ZFR2: variants seen among roughly 807,000 people sequenced by gnomAD.
The protein encoded by ZFR2 is zinc finger RNA-binding protein 2.
In ZFR2, 104 loss-of-function variants were observed where a neutral mutation model predicts 105.7. The observed-to-expected ratio is 0.98, with a 90% CI of 0.84 to 1.16. ZFR2 has a LOEUF of 1.16. ZFR2 is among the 50% of genes most tolerant of loss of function. The pLI, the probability that ZFR2 is intolerant of heterozygous loss-of-function variation, is 0.00. For missense variants in ZFR2, 1,425 were observed against 1,355.5 expected (o/e 1.05, Z -0.80); for synonymous variants, 634 against 597.7 (o/e 1.06, Z -0.89).
intron 1 of ZFR2, among the ~76,000 whole-genome samples, chr19:3,847,084 C>T (rs2038191949): frequency 6.6e-6 from 1 of 152,236 alleles, no homozygotes; most frequent in Non-Finnish European, 1.5e-5. Context: ...TCCTCCCAGG[C>T]AGGCCTTTCC....
Position 3,823,168 on chromosome 19 carries a change from C to A in ZFR2, c.1371+78G>T. ...GTCTGTAAATCTCGCTGGGAGAAGC[C>A]GGGTGAGGTCTCGAAGCCTGATCCA... On this transcript the variant is annotated intron_variant, in intron 8 of 18. Transcript: ENST00000262961. The surrounding 1 kb of genome is among the most constrained non-coding windows in gnomAD (Gnocchi z 5.4). The A allele has an allele frequency of 1.3e-6, 2 of 1,594,870 alleles. No homozygotes were observed. The highest frequency in any genetic ancestry group is 1.7e-6 in the Non-Finnish European group (2 of 1,168,156).
chr19:3,831,161 C>T (rs2038010084), intron 5 of ZFR2, 142 bp downstream of exon 5: 1 of 1,208,714 alleles, frequency 8.3e-7, no homozygotes. Flanking sequence ...ACACACAGGC[C>T]ATGCATACAA....
Position 3,834,983 on chromosome 19 carries a change from G to A in ZFR2, c.54C>T (p.Ser18=), listed in dbSNP as rs772236830. The A allele has an allele frequency of 5.2e-5, 84 of 1,607,142 alleles. No homozygotes were observed. The Admixed American group carries it at 1.2e-3, about 23-fold the overall frequency. Residue 18 remains serine, a splice_region_variant and synonymous_variant, in exon 2 of 19, where the codon AGC becomes AGT. Coordinates refer to ENST00000262961, the MANE Select transcript of ZFR2 (RefSeq NM_015174.2). This position sits in a 1 kb window ranked among gnomAD's most constrained non-coding sequence, Gnocchi z 5.3. The part of the protein sequence containing the change: ...DFAQGGGPQY[S]AQPPTLPLPT... ...GCAGGGGAAGGGTCGGAGGCTGGGC[G>A]CTAGAACCACAAACACACACCAAAG...
rs1461688070 is a variant in ZFR2 at position 3,833,789 on chromosome 19, G to T, written c.265-11C>A. 13 of 1,560,372 alleles carry T rather than the reference G, an allele frequency of 8.3e-6. No individual in the cohort carries two copies. The highest frequency in any genetic ancestry group is 1.1e-5 in the Non-Finnish European group (13 of 1,151,236). On this transcript the variant is annotated splice_polypyrimidine_tract_variant and intron_variant, in intron 2 of 18. Transcript: ENST00000262961. The stretch of plus-strand genomic sequence containing the variant: ...GTAGCTGTAACTGTCCTATGTGGGG[G>T]TTTCGGCAGGAGAGAGACAGAGAAC...
At chr19:3,847,534 A>G (rs1040556780) in intron 1 of ZFR2, among the ~76,000 whole-genome samples, 1 of 152,206 alleles carries the variant, frequency 6.6e-6, no homozygotes, top group Admixed American at 6.5e-5. Flanking sequence ...AAAAGAAAAA[A>G]AAAAGTATTT....
chr19:3,820,440 T>C, intron 10 of ZFR2, 150 bp from the exon 11 acceptor site: 1 of 764,854 alleles, frequency 1.3e-6, no homozygotes, highest in East Asian at 2.9e-5. Context: ...GGGTGCCTGC[T>C]GTATGCACAG....
intron 10 of ZFR2, 109 bp downstream of exon 10, chr19:3,821,231 G>A (rs985284861): frequency 8.8e-6 from 12 of 1,367,306 alleles, no homozygotes; most frequent in African/African-American, 4.4e-5. Flanking sequence ...CCCACTGCTC[G>A]AGAGCTCACA....
intron 5 of ZFR2, among the ~76,000 whole-genome samples, chr19:3,830,976 CACACAT>C (rs1378913974): frequency 3.4e-5 from 5 of 147,352 alleles, no homozygotes; most frequent in South Asian, 2.2e-4. Context: ...CACACATGCA[CACACAT>C]ACACACACGC....
intron 1 of ZFR2, among the ~76,000 whole-genome samples, chr19:3,849,284 C>T (rs1055238751): frequency 6.6e-6 from 1 of 152,250 alleles, no homozygotes. Context: ...TCTGCTCCTG[C>T]TGTGCCTCCG....
intron 1 of ZFR2, among the ~76,000 whole-genome samples, chr19:3,861,815 G>C (rs1223777340): frequency 6.6e-6 from 1 of 152,018 alleles, no homozygotes; most frequent in African/African-American, 2.4e-5. Context: ...AGTCCCAGCT[G>C]CTAGGGAGGC....
At chr19:3,812,203 C>T (rs1218180697) in intron 14 of ZFR2, among the ~76,000 whole-genome samples, 1 of 152,102 alleles carries the variant, frequency 6.6e-6, no homozygotes, top group Admixed American at 6.6e-5. Flanking sequence ...CTTGGCCTCC[C>T]AAAGTGCTAG....
intron 17 of ZFR2, among the ~76,000 whole-genome samples, chr19:3,808,072 T>TGTGCCC (rs1183920493): frequency 3.4e-5 from 5 of 149,110 alleles, no homozygotes; most frequent in African/African-American, 9.9e-5. Flanking sequence ...TGTGTGCCCG[T>TGTGCCC]GTGTGCAAGT....
intron 17 of ZFR2, among the ~76,000 whole-genome samples, chr19:3,808,062 T>TGTGTGCCCGTGTGTGCAA (rs2037720628): frequency 6.9e-6 from 1 of 144,948 alleles, no homozygotes; most frequent in African/African-American, 2.6e-5. Context: ...TGTGCGTGCA[T>TGTGTGCCCGTGTGTGCAA]GTGTGCCCGT....
chr19:3,819,088 CG>C lies in ZFR2; in HGVS notation c.1887del (p.Glu630ArgfsTer24). 3 of 1,612,350 alleles carry C rather than the reference CG, an allele frequency of 1.9e-6. No homozygotes were observed. Among genetic ancestry groups the C allele is most frequent in the Non-Finnish European group, 1.7e-6 (2 of 1,179,794 alleles). On this transcript the variant is annotated frameshift_variant, in exon 12 of 19. Coordinates refer to ENST00000262961, the MANE Select transcript of ZFR2 (RefSeq NM_015174.2). LOFTEE classifies it high-confidence loss of function. ...RALKLVSDTLAEEDRGRREEE... is the reference protein window; with the variant it reads ...RALKLVSDTLXEEDRGRREEE... ...TCCTCTCGGCGGCCCCGGTCCTCCT[CG>C]GCCAGTGTGTCGGACACCAGCTTGA...
chr19:3,849,032 A>T (rs963414161), intron 1 of ZFR2, among the ~76,000 whole-genome samples: 5 of 152,192 alleles, frequency 3.3e-5, no homozygotes, highest in African/African-American at 1.2e-4. Flanking sequence ...AACCAAACAA[A>T]CAAAAACACA....
Position 3,811,324 on chromosome 19 carries a change from G to T in ZFR2, c.2285C>A (p.Pro762His). 1.2e-6 allele frequency: 2 copies of T among 1,605,586 alleles called. No individual in the cohort carries two copies. The highest frequency in any genetic ancestry group is 2.2e-5 in the East Asian group (1 of 44,466). The change falls in exon 15 of 19, where the codon CCC becomes CAC. Residue 762 changes from proline (P) to histidine (H), a missense_variant. Transcript: ENST00000262961. ...GGCCAGGGACTCGAGGCACTTCTTGGGGCTCAGGACATCACCTGCATCAGC... is the reference window on the plus strand; with the variant it reads ...GGCCAGGGACTCGAGGCACTTCTTGTGGCTCAGGACATCACCTGCATCAGC... ...PQADAGDVLS[P>H]KKCLESLAAL...
chr19:3,832,099 G>A (rs922460942), intron 3 of ZFR2, among the ~76,000 whole-genome samples: 7 of 152,156 alleles, frequency 4.6e-5, no homozygotes, highest in Non-Finnish European at 7.4e-5. Flanking sequence ...GGGGAGGAGG[G>A]CTGTGGGTGC....
At chr19:3,831,114 T>C (rs1449989230) in intron 5 of ZFR2, among the ~76,000 whole-genome samples, 189 bp downstream of exon 5, 2 of 147,440 alleles carry the variant, frequency 1.4e-5, no homozygotes, top group Admixed American at 6.7e-5. Context: ...CACGCACACA[T>C]ACACACTCAC....
intron 1 of ZFR2, among the ~76,000 whole-genome samples, chr19:3,844,517 G>T (rs1247863239): frequency 2.0e-5 from 3 of 151,932 alleles, no homozygotes; most frequent in African/African-American, 7.3e-5. Flanking sequence ...ACAGGCATCT[G>T]CCACCATACC....
Sources: gnomAD v4.1 joint callset for allele counts (sites outside exome capture counted in the v4.1 genomes callset) on GRCh38, gnomAD v4.1.1 for gene constraint, Gnocchi (gnomAD v3.1) non-coding constraint, MANE v1.5 for transcripts, NCBI Gene and HGNC (gene_info 2026-07-23, HGNC 2026-07-21) for gene names.